Variants in PABIR3 observed in about 807,000 individuals in gnomAD.
PABIR3 encodes PABIR family member 1.
Under a neutral mutation model 23.1 loss-of-function variants are expected in PABIR3, and 20 were observed. The observed-to-expected ratio is 0.86, with a 90% CI of 0.61 to 1.26. The LOEUF is 1.26. Ranked by LOEUF, PABIR3 falls within the 50% of genes most tolerant of loss-of-function variation. The probability of loss-of-function intolerance (pLI) is 0.00; values close to 1 mark genes in which losing one functional copy is unlikely to be tolerated. For synonymous variants in PABIR3, 69 were observed against 68.5 expected, an observed-to-expected ratio of 1.01 and a Z score of -0.04; for missense variants, 189 against 195.4, an observed-to-expected ratio of 0.97 and a Z score of 0.20.
intron 4 of PABIR3, chrX:134,838,616 T>TA (rs2082053157): frequency 1.1e-5 from 1 of 92,044 alleles, no homozygotes; most frequent in Non-Finnish European, 2.1e-5. Flanking sequence ...TTTTTTTTTT[T>TA]TAAAAAACAT....
At chrX:134,796,403 T>A, upstream of PABIR3, 1 of 384,185 alleles carries the variant, frequency 2.6e-6, no homozygotes, top group Non-Finnish European at 4.5e-6. Flanking sequence ...AGGATGATGA[T>A]GAGGAAGGGA....
chrX:134,845,149 T>A (rs1483181941), intron 4 of PABIR3, 56 bp from the exon 5 acceptor site: 14 of 1,004,999 alleles, frequency 1.4e-5, no homozygotes, highest in African/African-American at 3.9e-5. Flanking sequence ...AAATCAAATT[T>A]TATAAAACCA....
At chrX:134,804,773 G>C (rs913355651), upstream of PABIR3, among the ~76,000 whole-genome samples, 1 of 112,355 alleles carries the variant, frequency 8.9e-6, no homozygotes, top group African/African-American at 3.2e-5. Context: ...ATATTTTTCT[G>C]TTATTCAGAC....
chrX:134,828,045 C>CTATATATATA (rs1487383716), intron 3 of PABIR3, among the ~76,000 whole-genome samples: 1 of 59,220 alleles, frequency 1.7e-5, no homozygotes, highest in Non-Finnish European at 3.0e-5. Context: ...CTCTCTCTCT[C>CTATATATATA]TCTATATATA....
At chrX:134,815,184 T>C (rs950764555) in intron 3 of PABIR3, among the ~76,000 whole-genome samples, 1 of 109,942 alleles carries the variant, frequency 9.1e-6, no homozygotes, top group African/African-American at 3.4e-5. Context: ...GACCATCTGG[T>C]TTCCCTTTTT....
intron 10 of PABIR3, among the ~76,000 whole-genome samples, chrX:134,853,311 G>A (rs760951130): frequency 1.8e-5 from 2 of 111,678 alleles, no homozygotes; most frequent in Non-Finnish European, 3.8e-5. Flanking sequence ...CAAGCAATCC[G>A]CTTGCCTTGG....
At chrX:134,862,311 G>A in the PABIR3 span, among the ~76,000 whole-genome samples, 1 of 108,956 alleles carries the variant, frequency 9.2e-6, no homozygotes, top group African/African-American at 3.3e-5. Context: ...CACCAAACCC[G>A]GCTAATTTTT....
chrX:134,808,549 T>G (rs2080398136), intron 2 of PABIR3, among the ~76,000 whole-genome samples: 1 of 110,948 alleles, frequency 9.0e-6, no homozygotes, highest in Non-Finnish European at 1.9e-5. Flanking sequence ...CCCGGCTAAT[T>G]TTTTGTATTT....
chrX:134,836,029 G>A (rs1214850851), intron 4 of PABIR3, among the ~76,000 whole-genome samples: 2 of 111,459 alleles, frequency 1.8e-5, no homozygotes, highest in Non-Finnish European at 3.8e-5. Context: ...GTAGAGACGG[G>A]GTTTCACCAT....
chrX:134,797,054 T>G (rs1242668683), intron 1 of PABIR3: 1 of 113,902 alleles, frequency 8.8e-6, no homozygotes, highest in African/African-American at 3.2e-5. Flanking sequence ...CCGCGGTGCC[T>G]CCTCTTCCTC....
At chrX:134,855,843 A>G (rs748051754), downstream of PABIR3, among the ~76,000 whole-genome samples, 13 of 112,032 alleles carry the variant, frequency 1.2e-4, no homozygotes, top group South Asian at 4.8e-3. Context: ...GCTAAGAACA[A>G]GGAAACTATA....
At chrX:134,842,594 C>T (rs1603240081) in intron 4 of PABIR3, among the ~76,000 whole-genome samples, 2 of 108,809 alleles carry the variant, frequency 1.8e-5, no homozygotes, top group Non-Finnish European at 3.8e-5. Context: ...GGCAACAGAG[C>T]GAGACTCCGT....
chrX:134,846,832 G>T (rs1321996866), intron 6 of PABIR3, among the ~76,000 whole-genome samples: 1 of 111,832 alleles, frequency 8.9e-6, no homozygotes, highest in Non-Finnish European at 1.9e-5. Flanking sequence ...TAAGAGAATC[G>T]TAAGTGTGTT....
At chrX:134,851,306 C>T (rs956935052) in intron 9 of PABIR3, among the ~76,000 whole-genome samples, 42 of 110,778 alleles carry the variant, frequency 3.8e-4, no homozygotes, top group Admixed American at 2.9e-4. Context: ...GAGGCCGAGG[C>T]GGGCGGATGA....
At chrX:134,844,262 CAG>C (rs2082361043) in intron 4 of PABIR3, 1 of 111,398 alleles carries the variant, frequency 9.0e-6, no homozygotes, top group African/African-American at 3.3e-5. Context: ...GTTTTGAAAT[CAG>C]AAAGTATGAA....
In PABIR3 at chrX:134,807,594, C is replaced by G; in HGVS notation, c.-5C>G. 1 of 1,210,339 alleles carries G rather than the reference C, an allele frequency of 8.3e-7. No homozygotes were observed. The highest frequency in any genetic ancestry group is 1.1e-6 in the Non-Finnish European group (1 of 894,763). ...AGCCTTGAGAACTTATTCCTCGACC[C>G]GGACATGGCACAGGAGAAAATGAAA... On this transcript the variant is annotated 5_prime_UTR_variant, in exon 2 of 11. Coordinates refer to ENST00000645433, the MANE Select transcript of PABIR3 (RefSeq NM_001388447.1).
At chrX:134,808,272 C>G (rs922964032) in intron 2 of PABIR3, 3 of 292,135 alleles carry the variant, frequency 1.0e-5, no homozygotes, top group African/African-American at 8.3e-5. Context: ...TTACTGTAAC[C>G]TCCGCCTCCT....
intron 4 of PABIR3, among the ~76,000 whole-genome samples, chrX:134,834,402 G>T (rs929731184): frequency 8.9e-6 from 1 of 112,032 alleles, no homozygotes; most frequent in Non-Finnish European, 1.9e-5. Context: ...GTAGATTCTG[G>T]ATATTAGACC....
intron 2 of PABIR3, chrX:134,808,212 C>T (rs1378756650): frequency 1.4e-5 from 4 of 291,432 alleles, no homozygotes; most frequent in African/African-American, 8.4e-5. Context: ...TTTTTTGAGA[C>T]GGAGTCTTGC....
Sources: allele counts gnomAD v4.1 joint callset (sites outside exome capture counted in the v4.1 genomes callset), GRCh38; gene constraint gnomAD v4.1.1; transcripts MANE v1.5; gene names NCBI Gene and HGNC (gene_info 2026-07-23, HGNC 2026-07-21).